Variants in C2orf49 observed in about 807,000 individuals in gnomAD.
C2orf49 encodes the protein tRNA splicing ligase complex subunit 2.
C2orf49 carries 11 observed loss-of-function variants against 20.6 expected under a neutral mutation model. That is an observed-to-expected ratio of 0.53 (90% confidence interval 0.34 to 0.88). The LOEUF is 0.88. Among genes scored for constraint, C2orf49 ranks in the 40% least tolerant of loss-of-function variants. The pLI is 0.02. For missense variants in C2orf49, 289 were observed against 274.2 expected (o/e 1.05, Z -0.38); for synonymous variants, 134 against 108.5 (o/e 1.24, Z -1.46).
In C2orf49 at chr2:105,337,594, G is replaced by A. The variant is rs764862989; in HGVS notation, c.7G>A (p.Gly3Arg). The A allele has an allele frequency of 6.2e-7, 1 of 1,613,320 alleles. No homozygotes were observed. The highest frequency in any genetic ancestry group is 8.5e-7 in the Non-Finnish European group (1 of 1,179,962). Residue 3 changes from glycine to arginine, a missense_variant, in exon 1 of 4, where the codon GGG becomes AGG. Gly to Arg is a moderately radical substitution (Grantham distance 125). Transcript: ENST00000258457. MA[G>R]DVGGRSCTDS... ...GGGTCTCCTGGCGACGACCATGGCG[G>A]GGGATGTGGGCGGTCGCAGCTGCAC...
the C2orf49 span, chr2:105,360,159 G>A: frequency 6.6e-6 from 1 of 151,900 alleles, no homozygotes; most frequent in African/African-American, 2.4e-5. Flanking sequence ...AAATTAGCCG[G>A]GCATAATGGT....
the C2orf49 span, chr2:105,361,446 G>C: frequency 0.16 from 260,828 of 1,606,806 alleles, 27,056 homozygotes; most frequent in East Asian, 0.53. Flanking sequence ...TGTTAACAGA[G>C]AGAAAATAAT....
the C2orf49 span, chr2:105,375,328 G>A: frequency 6.6e-6 from 1 of 152,230 alleles, no homozygotes; most frequent in Admixed American, 6.5e-5. Flanking sequence ...CCTTTGTGAG[G>A]GGTGACCTCT....
chr2:105,355,714 A>G, the C2orf49 span, among the ~76,000 whole-genome samples: 1 of 152,120 alleles, frequency 6.6e-6, no homozygotes, highest in Non-Finnish European at 1.5e-5. Flanking sequence ...CTGAGTTACA[A>G]TAAAATGCTG....
At chr2:105,381,466 G>A in the C2orf49 span, among the ~76,000 whole-genome samples, 1 of 152,100 alleles carries the variant, frequency 6.6e-6, no homozygotes, top group East Asian at 1.9e-4. Flanking sequence ...GTCAAAGGTG[G>A]AGCCAGGGAG....
At chr2:105,376,694 C>T in the C2orf49 span, 5 of 152,262 alleles carry the variant, frequency 3.3e-5, no homozygotes, top group East Asian at 7.7e-4. Context: ...AGTAAGGTCT[C>T]GAAGATATAT....
chr2:105,381,563 T>C, the C2orf49 span, among the ~76,000 whole-genome samples: 2 of 152,276 alleles, frequency 1.3e-5, no homozygotes, highest in South Asian at 2.1e-4. Context: ...GGCTGAACTT[T>C]TGGTTTTATG....
intron 1 of C2orf49, among the ~76,000 whole-genome samples, chr2:105,338,529 G>A (rs923862851): frequency 6.6e-6 from 1 of 152,108 alleles, no homozygotes; most frequent in Non-Finnish European, 1.5e-5. Flanking sequence ...AATGTGGCCC[G>A]AAATCTTGCA....
At chr2:105,371,361 A>G in the C2orf49 span, among the ~76,000 whole-genome samples, 1 of 152,166 alleles carries the variant, frequency 6.6e-6, no homozygotes. Flanking sequence ...CCCTAAGGGC[A>G]ACTAATTCTT....
chr2:105,343,754 G>A (rs572218590), intron 3 of C2orf49, among the ~76,000 whole-genome samples: 78 of 152,174 alleles, frequency 5.1e-4, no homozygotes, highest in African/African-American at 1.9e-3. Context: ...AATCTATTAT[G>A]TTGTGCTCCA....
Position 105,347,487 on chromosome 2 carries a change from C to T in C2orf49, c.*2116C>T, listed in dbSNP as rs1471575889. The T allele has an allele frequency of 1.3e-5, 2 of 152,166 alleles. No homozygotes were observed. 9.4% of individuals were successfully genotyped at this position (152,166 alleles called of 1,614,324 possible). A position where few individuals can be genotyped will look rare whatever the true frequency, so the allele number is the denominator to read the frequency against. ...AACTTACAGAGTAGGTTGGTAATAA[C>T]AGCTGAACTGTGTAACATTGTTGCT... On this transcript the variant is annotated 3_prime_UTR_variant, in exon 4 of 4. Transcript: ENST00000258457.
chr2:105,380,813 G>GA, the C2orf49 span, among the ~76,000 whole-genome samples: 1 of 152,088 alleles, frequency 6.6e-6, no homozygotes, highest in Admixed American at 6.5e-5. Flanking sequence ...ATACTTCCCA[G>GA]AAAAAAATAC....
downstream of C2orf49, among the ~76,000 whole-genome samples, chr2:105,353,294 G>A (rs1284988829): frequency 6.6e-6 from 1 of 152,036 alleles, no homozygotes; most frequent in Non-Finnish European, 1.5e-5. Flanking sequence ...GAACTTTTGG[G>A]GGAGACATTC....
intron 1 of C2orf49, among the ~76,000 whole-genome samples, chr2:105,338,458 G>A (rs1558665223): frequency 6.6e-6 from 1 of 152,142 alleles, no homozygotes; most frequent in African/African-American, 2.4e-5. Flanking sequence ...AATGAGTCGA[G>A]GGACTTGCTA....
chr2:105,349,708 A>T (rs981241087), downstream of C2orf49, among the ~76,000 whole-genome samples: 1 of 152,242 alleles, frequency 6.6e-6, no homozygotes, highest in African/African-American at 2.4e-5. Context: ...GGTAGAAAGT[A>T]AAACAGGGTC....
the C2orf49 span, among the ~76,000 whole-genome samples, chr2:105,369,335 G>C: frequency 1.3e-5 from 2 of 152,308 alleles, no homozygotes; most frequent in South Asian, 4.1e-4. Flanking sequence ...GACAAAGCTA[G>C]GGGTTGTATT....
rs1049203461 is a variant in C2orf49 at position 105,345,698 on chromosome 2, C to T, written c.*327C>T. The T allele has an allele frequency of 3.1e-5, 8 of 256,416 alleles. No homozygotes were observed. Among genetic ancestry groups the T allele is most frequent in the African/African-American group, 4.6e-5 (2 of 43,406 alleles). 15.9% of individuals were successfully genotyped at this position (256,416 alleles called of 1,614,324 possible). On this transcript the variant is annotated 3_prime_UTR_variant, in exon 4 of 4. Coordinates refer to ENST00000258457, the MANE Select transcript of C2orf49 (RefSeq NM_024093.3). ...ATTGAATTGGCCAGGCGCAGTGGCT[C>T]ACGCCTATAATCCCAGCACTTTGAG...
At chr2:105,337,778 C>G (rs1417052472) in intron 1 of C2orf49, 92 bp downstream of exon 1, 1 of 1,135,590 alleles carries the variant, frequency 8.8e-7, no homozygotes, top group Non-Finnish European at 1.2e-6. Context: ...TCGGCAACCA[C>G]GGACACTCCC....
the C2orf49 span, chr2:105,376,332 C>G: frequency 6.6e-6 from 1 of 152,128 alleles, no homozygotes; most frequent in Admixed American, 6.5e-5. Flanking sequence ...AAACAGATAG[C>G]CTTGAGGAGA....
Sources: allele counts gnomAD v4.1 joint callset (sites outside exome capture counted in the v4.1 genomes callset), GRCh38; gene constraint gnomAD v4.1.1; transcripts MANE v1.5; gene names NCBI Gene and HGNC (gene_info 2026-07-23, HGNC 2026-07-21).